ZNF678: variants seen among roughly 807,000 people sequenced by gnomAD.
ZNF678 encodes zinc finger protein 678.
ZNF678 carries 5 observed loss-of-function variants against 3.0 expected under a neutral mutation model. The observed-to-expected ratio is 1.69, with a 90% confidence interval of 0.88 to 3.56. The LOEUF is 3.56. Among genes scored for constraint, ZNF678 ranks in the 30% most tolerant of loss-of-function variants. The pLI is 0.00. For synonymous variants in ZNF678, 218 were observed against 199.6 expected (o/e 1.09, Z -0.78); for missense variants, 593 against 605.0 (o/e 0.98, Z 0.21).
intron 1 of ZNF678, among the ~76,000 whole-genome samples, chr1:227,621,603 G>A (rs965148440): frequency 6.6e-6 from 1 of 152,216 alleles, no homozygotes; most frequent in Non-Finnish European, 1.5e-5. Context: ...ATGAGGTTGT[G>A]TAGAACCTCA....
Position 227,657,715 on chromosome 1 carries a change from A to G in ZNF678, c.*1887A>G, listed in dbSNP as rs1034125670. The G allele has an allele frequency of 2.6e-5, 4 of 152,006 alleles. No homozygotes were observed. The highest frequency in any genetic ancestry group is 5.9e-5 in the Non-Finnish European group (4 of 67,926). The allele number at this position is 152,006 out of a possible 1,614,324, so 9.4% of individuals were successfully genotyped here. On this transcript the variant is annotated 3_prime_UTR_variant, in exon 4 of 4. Transcript: ENST00000343776. The stretch of plus-strand genomic sequence containing the variant: ...AGTGTTAGCTTTAAGAGAATTACAG[A>G]GCATGTAATTGTGTTTGAGTGTAGG...
At chr1:227,620,860 T>C (rs1484152214) in intron 1 of ZNF678, among the ~76,000 whole-genome samples, 1 of 152,212 alleles carries the variant, frequency 6.6e-6, no homozygotes, top group Non-Finnish European at 1.5e-5. Flanking sequence ...AAGAAATAAT[T>C]ACTTAGCTTA....
intron 1 of ZNF678, among the ~76,000 whole-genome samples, chr1:227,599,870 C>T (rs1366827143): frequency 1.3e-5 from 2 of 152,006 alleles, no homozygotes; most frequent in Admixed American, 1.3e-4. Flanking sequence ...TATAGGTAAA[C>T]TCGTGTAATG....
chr1:227,675,285 A>C (rs1467367854), intron 5 of ZNF678, among the ~76,000 whole-genome samples: 4 of 152,198 alleles, frequency 2.6e-5, no homozygotes, highest in Non-Finnish European at 4.4e-5. Context: ...GCCATCTGCA[A>C]TCCAGAAGAC....
At chr1:227,564,786 C>T (rs1003846049) in intron 1 of ZNF678, among the ~76,000 whole-genome samples, 6 of 152,324 alleles carry the variant, frequency 3.9e-5, no homozygotes, top group African/African-American at 1.4e-4. Flanking sequence ...GGCTGTAGTG[C>T]AGTGGCGCGA....
chr1:227,630,574 C>T (rs141094597), intron 1 of ZNF678, among the ~76,000 whole-genome samples: 37 of 152,286 alleles, frequency 2.4e-4, no homozygotes, highest in Non-Finnish European at 5.0e-4. Flanking sequence ...TCAGTATAGC[C>T]ATCAGGGTTA....
chr1:227,670,336 A>G (rs1659578748), intron 5 of ZNF678, among the ~76,000 whole-genome samples: 1 of 152,228 alleles, frequency 6.6e-6, no homozygotes, highest in African/African-American at 2.4e-5. Context: ...GTAATTTGTC[A>G]ATTATACCTT....
downstream of ZNF678, among the ~76,000 whole-genome samples, chr1:227,677,939 C>CT (rs1659711710): frequency 6.6e-6 from 1 of 152,192 alleles, no homozygotes; most frequent in African/African-American, 2.4e-5. Flanking sequence ...ACAATCCAGC[C>CT]ATTGTAGACC....
intron 1 of ZNF678, among the ~76,000 whole-genome samples, chr1:227,600,717 C>G (rs998986266): frequency 3.3e-5 from 5 of 151,444 alleles, no homozygotes; most frequent in Non-Finnish European, 7.4e-5. Flanking sequence ...CAGAAATTCT[C>G]TCCCATTCTG....
intron 5 of ZNF678, among the ~76,000 whole-genome samples, chr1:227,673,841 G>T (rs1341258975): frequency 6.6e-6 from 1 of 152,130 alleles, no homozygotes; most frequent in Non-Finnish European, 1.5e-5. Flanking sequence ...AAAGGTAATT[G>T]TACATATTTA....
At chr1:227,571,417 G>T (rs1571855108) in intron 1 of ZNF678, among the ~76,000 whole-genome samples, 1 of 152,294 alleles carries the variant, frequency 6.6e-6, no homozygotes, top group Non-Finnish European at 1.5e-5. Context: ...TTTTATTTTA[G>T]GGTAGGTTCC....
intron 1 of ZNF678, among the ~76,000 whole-genome samples, chr1:227,605,655 T>A (rs1657847059): frequency 6.6e-6 from 1 of 152,236 alleles, no homozygotes. Flanking sequence ...AAAATTTTTT[T>A]CTGTCAATGA....
chr1:227,649,217 A>G (rs1342014863), intron 2 of ZNF678, among the ~76,000 whole-genome samples: 1 of 152,226 alleles, frequency 6.6e-6, no homozygotes, highest in Non-Finnish European at 1.5e-5. Context: ...TTGGTTATAT[A>G]CACAGAACTG....
chr1:227,565,571 C>T (rs111921720), intron 1 of ZNF678, among the ~76,000 whole-genome samples: 1,640 of 152,134 alleles, frequency 0.011, 34 homozygotes, highest in African/African-American at 0.038. Flanking sequence ...GCTAGTTACC[C>T]ATGTTTGTGG....
intron 1 of ZNF678, among the ~76,000 whole-genome samples, chr1:227,578,830 ATTCAGGG>A (rs990731386): frequency 6.6e-6 from 1 of 152,210 alleles, no homozygotes; most frequent in Non-Finnish European, 1.5e-5. Context: ...CTTTTTGGGC[ATTCAGGG>A]TTCTTGCACT....
Position 227,619,059 on chromosome 1 carries a change from C to CA in ZNF678, c.-163-27484dup, listed in dbSNP as rs539351558. On this transcript the variant is annotated intron_variant, in intron 1 of 3. Coordinates refer to ENST00000343776, the MANE Select transcript of ZNF678 (RefSeq NM_001367909.1). ...TCAGATCTCATGAGAACTCACTCAC[C>CA]ATCACAAGAACAGCATGGGGGAAAC... is the stretch of plus-strand genomic sequence containing the variant. Among the ~76,000 whole-genome samples the CA allele has an allele frequency of 1.5e-4, 23 of 152,092 alleles. No homozygotes were observed. In the East Asian group the frequency reaches 4.3e-3, roughly 28 times the overall value.
intron 1 of ZNF678, among the ~76,000 whole-genome samples, chr1:227,639,299 G>A (rs1658758916): frequency 6.6e-6 from 1 of 152,232 alleles, no homozygotes; most frequent in African/African-American, 2.4e-5. Flanking sequence ...TGGGCCAGCA[G>A]GGGGCCCCTG....
intron 1 of ZNF678, among the ~76,000 whole-genome samples, chr1:227,575,309 A>G (rs1013688065): frequency 1.3e-5 from 2 of 152,198 alleles, no homozygotes; most frequent in African/African-American, 2.4e-5. Flanking sequence ...TAGAAATAGC[A>G]TTGAATCTAT....
intron 1 of ZNF678, among the ~76,000 whole-genome samples, chr1:227,642,408 C>A (rs1215803427): frequency 6.6e-6 from 1 of 152,128 alleles, no homozygotes; most frequent in Non-Finnish European, 1.5e-5. Flanking sequence ...TAAGTGTAAA[C>A]AAGTACCTTA....
Sources: allele counts gnomAD v4.1 joint callset (sites outside exome capture counted in the v4.1 genomes callset), GRCh38; gene constraint gnomAD v4.1.1; transcripts MANE v1.5; gene names NCBI Gene and HGNC (gene_info 2026-07-23, HGNC 2026-07-21).